EYA4: variants seen among roughly 807,000 people sequenced by gnomAD.
The protein encoded by EYA4 is EYA transcriptional coactivator and phosphatase 4, also known as protein phosphatase EYA4.
Under a neutral mutation model 87.9 loss-of-function variants are expected in EYA4, and 31 were observed. The observed-to-expected ratio is 0.35, with a 90% CI of 0.27 to 0.48. The LOEUF is 0.48. Ranked by LOEUF, EYA4 falls within the 20% of genes least tolerant of loss-of-function variation. The pLI is 0.99. For synonymous variants in EYA4, 263 were observed against 270.6 expected (o/e 0.97, Z 0.28); for missense variants, 678 against 761.4 (o/e 0.89, Z 1.29).
At chr6:133,393,810 C>T (rs1394055626) in intron 3 of EYA4, among the ~76,000 whole-genome samples, 1 of 152,150 alleles carries the variant, frequency 6.6e-6, no homozygotes, top group African/African-American at 2.4e-5. Context: ...TCTGCCACAC[C>T]ACACACATCT....
chr6:133,313,972 A>G (rs1053605967), intron 2 of EYA4, among the ~76,000 whole-genome samples: 2 of 152,200 alleles, frequency 1.3e-5, no homozygotes, highest in Non-Finnish European at 2.9e-5. Flanking sequence ...CTATGTAATT[A>G]AAAATGGCTG....
At chr6:133,305,513 A>G (rs1310564637) in intron 2 of EYA4, among the ~76,000 whole-genome samples, 1 of 152,216 alleles carries the variant, frequency 6.6e-6, no homozygotes, top group South Asian at 2.1e-4. Flanking sequence ...AATGTCAGCT[A>G]GCGTTTGACT....
rs546497825 is a variant in EYA4, at chr6:133,488,722, C to T, written c.1191+5607C>T. 7.2e-5 allele frequency among the ~76,000 whole-genome samples: 11 copies of T among 152,260 alleles called. No homozygotes were observed. In the East Asian group the frequency reaches 1.7e-3, roughly 24 times the overall value. On this transcript the variant is annotated intron_variant, in intron 13 of 19. Transcript: ENST00000355286. ...GGGTGCCCCCATTTAATGCAGATAG[C>T]ATACAGTGACCAAAAACTTAGATCA...
At chr6:133,344,489 G>T (rs767231565) in intron 2 of EYA4, among the ~76,000 whole-genome samples, 5 of 151,982 alleles carry the variant, frequency 3.3e-5, no homozygotes, top group Non-Finnish European at 7.4e-5. Context: ...TATCTGGTTG[G>T]TCAAAACTTC....
intron 1 of EYA4, among the ~76,000 whole-genome samples, chr6:133,250,423 C>T (rs1438955293): frequency 6.6e-6 from 1 of 152,058 alleles, no homozygotes; most frequent in African/African-American, 2.4e-5. Flanking sequence ...GGATGGATCA[C>T]CTGAAGTCAG....
At chr6:133,430,132 T>C (rs972009399) in intron 3 of EYA4, among the ~76,000 whole-genome samples, 5 of 152,230 alleles carry the variant, frequency 3.3e-5, no homozygotes, top group African/African-American at 1.2e-4. Flanking sequence ...TGGTTTTCTG[T>C]TCCTGCAGTA....
At chr6:133,502,068 TCTCA>T (rs749035754) in intron 13 of EYA4, among the ~76,000 whole-genome samples, 21 of 151,194 alleles carry the variant, frequency 1.4e-4, no homozygotes, top group African/African-American at 5.1e-4. Context: ...TCTCTCTCTC[TCTCA>T]CTCTCTCTCT....
chr6:133,431,071 G>C (rs1268905831), intron 3 of EYA4, among the ~76,000 whole-genome samples: 1 of 152,188 alleles, frequency 6.6e-6, no homozygotes, highest in Non-Finnish European at 1.5e-5. Flanking sequence ...CCTCACCTGG[G>C]AACACATTGG....
At chr6:133,393,223 A>G (rs1238506458) in intron 3 of EYA4, among the ~76,000 whole-genome samples, 1 of 152,152 alleles carries the variant, frequency 6.6e-6, no homozygotes, top group East Asian at 1.9e-4. Context: ...GGCCAACTCT[A>G]GATGGTAATA....
intron 3 of EYA4, among the ~76,000 whole-genome samples, chr6:133,383,751 G>T (rs1786460173): frequency 6.6e-6 from 1 of 151,888 alleles, no homozygotes; most frequent in Non-Finnish European, 1.5e-5. Context: ...TTTGATCTTT[G>T]ATCTTTGTTC....
intron 2 of EYA4, among the ~76,000 whole-genome samples, chr6:133,362,919 A>G (rs901539126): frequency 3.3e-5 from 5 of 152,238 alleles, no homozygotes; most frequent in Admixed American, 1.3e-4. Flanking sequence ...AGAGGTCCAC[A>G]GTTCTTACAT....
intron 16 of EYA4, among the ~76,000 whole-genome samples, chr6:133,514,651 T>C (rs1799437292): frequency 6.6e-6 from 1 of 152,220 alleles, no homozygotes; most frequent in Non-Finnish European, 1.5e-5. Flanking sequence ...TGTTTTATCA[T>C]AAAAGCAAGA....
chr6:133,479,798 A>T (rs1796049400), intron 11 of EYA4, among the ~76,000 whole-genome samples: 1 of 152,182 alleles, frequency 6.6e-6, no homozygotes, highest in East Asian at 1.9e-4. Context: ...GCTTGTACTC[A>T]TATAGTAATT....
intron 13 of EYA4, 28 bp downstream of exon 13, chr6:133,483,143 G>A (rs1460712036): frequency 3.2e-6 from 5 of 1,544,552 alleles, no homozygotes; most frequent in South Asian, 1.1e-5. Context: ...GTTACTCCAA[G>A]AAATCTTGTT....
intron 13 of EYA4, among the ~76,000 whole-genome samples, chr6:133,483,378 A>C (rs1796393261): frequency 6.6e-6 from 1 of 152,088 alleles, no homozygotes. Context: ...AGTCTCACAT[A>C]ATTATTTTAG....
intron 2 of EYA4, among the ~76,000 whole-genome samples, chr6:133,374,138 A>G (rs759447447): frequency 6.6e-6 from 1 of 152,098 alleles, no homozygotes. Context: ...TTGGTTTAAT[A>G]CTTACATACT....
intron 1 of EYA4, chr6:133,248,164 A>T (rs1462805085): frequency 6.6e-6 from 1 of 152,210 alleles, no homozygotes; most frequent in Non-Finnish European, 1.5e-5. Context: ...TAATTAGAAC[A>T]TCTTTCCTCC....
intron 19 of EYA4, among the ~76,000 whole-genome samples, chr6:133,526,675 G>A (rs573015508): frequency 6.6e-6 from 1 of 152,288 alleles, no homozygotes; most frequent in South Asian, 2.1e-4. Flanking sequence ...TATGAGGTCA[G>A]GGCTGCAGCC....
intron 2 of EYA4, among the ~76,000 whole-genome samples, chr6:133,320,302 A>T (rs1175087029): frequency 1.3e-5 from 2 of 151,968 alleles, no homozygotes; most frequent in Non-Finnish European, 2.9e-5. Context: ...AGATGGATAA[A>T]TTTTATACAT....
Sources: allele counts gnomAD v4.1 joint callset (sites outside exome capture counted in the v4.1 genomes callset), GRCh38; gene constraint gnomAD v4.1.1; transcripts MANE v1.5; gene names NCBI Gene and HGNC (gene_info 2026-07-23, HGNC 2026-07-21).